Variants in CLMP observed in about 807,000 individuals in gnomAD.
CLMP encodes the protein CXADR-like membrane protein.
A neutral mutation model predicts 45.2 loss-of-function variants in CLMP; 27 were observed. The observed-to-expected ratio is 0.60, with a 90% CI of 0.44 to 0.82. CLMP has a LOEUF of 0.82. Ranked by LOEUF, CLMP falls within the 40% of genes least tolerant of loss-of-function variation. The pLI is 0.00. For missense variants in CLMP, 403 were observed against 448.4 expected (o/e 0.90, Z 0.91); for synonymous variants, 167 against 171.4 (o/e 0.97, Z 0.20).
intron 1 of CLMP, among the ~76,000 whole-genome samples, chr11:123,103,160 G>C (rs182715894): frequency 3.5e-4 from 54 of 152,224 alleles, no homozygotes; most frequent in African/African-American, 1.3e-3. Flanking sequence ...AGCAGCTTTA[G>C]AATAGCTGGG....
intron 2 of CLMP, among the ~76,000 whole-genome samples, chr11:123,095,067 G>C (rs540486992): frequency 6.6e-6 from 1 of 152,302 alleles, no homozygotes; most frequent in South Asian, 2.1e-4. Flanking sequence ...TGTGTAATCT[G>C]AATGATTGAA....
At chr11:123,086,726 G>A (rs1028567312) in intron 2 of CLMP, among the ~76,000 whole-genome samples, 9 of 152,108 alleles carry the variant, frequency 5.9e-5, no homozygotes, top group Middle Eastern at 3.2e-3. Flanking sequence ...CTAAATATTT[G>A]TGGGGGCCAG....
Position 123,080,836 on chromosome 11 carries a change from G to C in CLMP, c.679+2249C>G, listed in dbSNP as rs953187564. 8.6e-5 allele frequency among the ~76,000 whole-genome samples: 13 copies of C among 151,612 alleles called. No individual in the cohort carries two copies. In the East Asian group the frequency reaches 2.6e-3, roughly 30 times the overall value. On this transcript the variant is annotated intron_variant, in intron 5 of 6. Coordinates refer to ENST00000448775, the MANE Select transcript of CLMP (RefSeq NM_024769.5). ...AAATACTGATTCCGACAAATTAAAGGTTTTATTTAACTTATTAATAAGGGG... is the reference window on the plus strand; with the variant it reads ...AAATACTGATTCCGACAAATTAAAGCTTTTATTTAACTTATTAATAAGGGG...
intron 1 of CLMP, among the ~76,000 whole-genome samples, chr11:123,146,662 C>A (rs1327019869): frequency 6.6e-6 from 1 of 152,080 alleles, no homozygotes; most frequent in African/African-American, 2.4e-5. Context: ...TTTCCATGGG[C>A]GTGTGTTGTG....
In CLMP at chr11:123,181,194, G is replaced by A. The variant is rs536034442; in HGVS notation, c.28+13719C>T. Among the ~76,000 whole-genome samples, 13 of 152,252 alleles carry A rather than the reference G, an allele frequency of 8.5e-5. No homozygotes were observed. In the South Asian group the frequency reaches 2.3e-3, roughly 27 times the overall value. ...AGGGTGAAAACTGAGACCCAGAGGT[G>A]AGTTGCTCAGTCACTTCCCAACACC... On this transcript the variant is annotated intron_variant, in intron 1 of 6. Transcript: ENST00000448775.
At chr11:123,135,234 T>C (rs1861054137) in intron 1 of CLMP, among the ~76,000 whole-genome samples, 1 of 136,126 alleles carries the variant, frequency 7.3e-6, no homozygotes, top group Non-Finnish European at 1.5e-5. Flanking sequence ...CACTCTAGCC[T>C]GGGTGATAGA....
At chr11:123,184,466 C>T (rs957824760) in intron 1 of CLMP, among the ~76,000 whole-genome samples, 2 of 152,314 alleles carry the variant, frequency 1.3e-5, no homozygotes, top group African/African-American at 2.4e-5. Flanking sequence ...TCTGCTCATG[C>T]TGCCTCAGTG....
intron 1 of CLMP, among the ~76,000 whole-genome samples, chr11:123,160,107 T>C (rs1398640440): frequency 6.6e-6 from 1 of 151,570 alleles, no homozygotes; most frequent in Non-Finnish European, 1.5e-5. Flanking sequence ...GGTGAAACCC[T>C]GTCTCTACTA....
At chr11:123,089,270 A>G (rs1275551992) in intron 2 of CLMP, among the ~76,000 whole-genome samples, 1 of 152,002 alleles carries the variant, frequency 6.6e-6, no homozygotes, top group African/African-American at 2.4e-5. Flanking sequence ...CTGTAGTCCC[A>G]GCTACTCAGG....
chr11:123,086,443 G>T (rs1591451740), intron 2 of CLMP, among the ~76,000 whole-genome samples: 1 of 152,254 alleles, frequency 6.6e-6, no homozygotes, highest in Admixed American at 6.5e-5. Flanking sequence ...CATCTCCCAG[G>T]CACATTTCAG....
At chr11:123,137,581 T>G (rs955416571) in intron 1 of CLMP, among the ~76,000 whole-genome samples, 2 of 151,664 alleles carry the variant, frequency 1.3e-5, no homozygotes, top group African/African-American at 2.4e-5. Context: ...GGTTAGGCTG[T>G]CCCCAGAGAT....
intron 1 of CLMP, among the ~76,000 whole-genome samples, chr11:123,131,761 A>C (rs1327676322): frequency 2.0e-5 from 3 of 151,858 alleles, no homozygotes; most frequent in Non-Finnish European, 4.4e-5. Flanking sequence ...GATTACAGGT[A>C]TGCGCCACCA....
chr11:123,105,324 TA>T (rs1209395526), intron 1 of CLMP, among the ~76,000 whole-genome samples: 2 of 152,144 alleles, frequency 1.3e-5, no homozygotes, highest in African/African-American at 4.8e-5. Flanking sequence ...TTTTATCCTC[TA>T]AAAGGTATTT....
At position 123,075,830 on chromosome 11, in the gene CLMP, TTTCTC is replaced by T. The variant is rs559605049; in HGVS notation, c.680-992_680-988del. 9.9e-4 allele frequency among the ~76,000 whole-genome samples: 151 copies of T among 152,284 alleles called. 1 individual carries two copies. Among genetic ancestry groups the T allele is most frequent in the African/African-American group, 3.5e-3 (144 of 41,550 alleles). On this transcript the variant is annotated intron_variant, in intron 5 of 6. Transcript: ENST00000448775. The stretch of plus-strand genomic sequence containing the variant: ...CCTCTGGCTCTGCCGACTTCCCTGT[TTTCTC>T]TAACATCTCTCTTCTCCCACCAGTC...
intron 1 of CLMP, among the ~76,000 whole-genome samples, chr11:123,160,649 C>A (rs1239132508): frequency 6.6e-6 from 1 of 152,060 alleles, no homozygotes; most frequent in Non-Finnish European, 1.5e-5. Context: ...AAGCCTCTTC[C>A]TCTATAAACA....
At chr11:123,093,333 T>C (rs1490073649) in intron 2 of CLMP, among the ~76,000 whole-genome samples, 1 of 152,108 alleles carries the variant, frequency 6.6e-6, no homozygotes, top group African/African-American at 2.4e-5. Context: ...GGTGAAATTA[T>C]ACAATTGCAA....
intron 1 of CLMP, among the ~76,000 whole-genome samples, chr11:123,149,819 C>CT (rs771164352): frequency 0.12 from 17,880 of 145,646 alleles, 1,214 homozygotes; most frequent in East Asian, 0.24. Flanking sequence ...TTCTTTCTCT[C>CT]TTTTTTTTTT....
chr11:123,096,470 G>A (rs1865990904), intron 2 of CLMP, among the ~76,000 whole-genome samples: 1 of 152,154 alleles, frequency 6.6e-6, no homozygotes, highest in Admixed American at 6.6e-5. Flanking sequence ...GTTGCAGTGA[G>A]CTAAGATTGA....
Position 123,097,797 on chromosome 11 carries a change from C to G in CLMP, c.184G>C (p.Val62Leu). The G allele has an allele frequency of 6.3e-7, 1 of 1,587,918 alleles. No individual in the cohort carries two copies. The highest frequency in any genetic ancestry group is 8.6e-7 in the Non-Finnish European group (1 of 1,165,878). The change falls in exon 2 of 7, where the codon GTG becomes CTG. Residue 62 changes from valine (V) to leucine (L), a missense_variant and splice_region_variant. Coordinates refer to ENST00000448775, the MANE Select transcript of CLMP (RefSeq NM_024769.5). ...ACTCCAGCCAGGTGTCTACTTACCA[C>G]TTTTTGGTTCCCTTCATTATCGGTG... Reference protein sequence around the residue: ...LLTDNEGNQKVVITYSSRHVY... With the variant: ...LLTDNEGNQKLVITYSSRHVY...
Sources: gnomAD v4.1 joint callset for allele counts (sites outside exome capture counted in the v4.1 genomes callset) on GRCh38, gnomAD v4.1.1 for gene constraint, MANE v1.5 for transcripts, NCBI Gene and HGNC (gene_info 2026-07-23, HGNC 2026-07-21) for gene names.